The following USP35 variants were observed in gnomAD, a reference collection of about 807,000 sequenced individuals.
USP35 encodes the protein ubiquitin specific peptidase 35, also known as ubiquitin carboxyl-terminal hydrolase 35.
A neutral mutation model predicts 83.8 loss-of-function variants in USP35; 69 were observed. That is an observed-to-expected ratio of 0.82 (90% CI 0.68 to 1.01). The LOEUF is 1.01. Among genes scored for constraint, USP35 ranks in the 50% least tolerant of loss-of-function variants. The probability of loss-of-function intolerance (pLI) is 0.00; values close to 1 mark genes in which losing one functional copy is unlikely to be tolerated. For synonymous variants in USP35, 714 were observed against 589.5 expected (o/e 1.21, Z -3.06); for missense variants, 1,503 against 1,362.5 (o/e 1.10, Z -1.62).
chr11:78,232,753 GAGAT>G, the USP35 span, among the ~76,000 whole-genome samples: 2 of 152,060 alleles, frequency 1.3e-5, no homozygotes, highest in East Asian at 1.9e-4. Context: ...AATGAAAAAA[GAGAT>G]AGATAGAAGG....
At chr11:78,208,511 G>A (rs1225108750) in intron 8 of USP35, among the ~76,000 whole-genome samples, 1 of 152,154 alleles carries the variant, frequency 6.6e-6, no homozygotes, top group Non-Finnish European at 1.5e-5. Flanking sequence ...GGAGGGTTGG[G>A]AAGATGACAT....
the USP35 span, chr11:78,227,175 T>C: frequency 3.0e-6 from 2 of 661,852 alleles, no homozygotes; most frequent in East Asian, 2.7e-5. Flanking sequence ...ACTAAAAGCA[T>C]ATTTTGAAGG....
chr11:78,207,903 T>C (rs1336917625), intron 8 of USP35, among the ~76,000 whole-genome samples: 1 of 152,256 alleles, frequency 6.6e-6, no homozygotes, highest in Non-Finnish European at 1.5e-5. Context: ...GTCCATTTTA[T>C]GCTGCTAAAA....
At chr11:78,195,920 G>A (rs767057899) in intron 1 of USP35, among the ~76,000 whole-genome samples, 3 of 152,086 alleles carry the variant, frequency 2.0e-5, no homozygotes, top group African/African-American at 4.8e-5. Flanking sequence ...TTGTAGAGAC[G>A]GGCCTCGCTG....
intron 10 of USP35, 24 bp downstream of exon 10, chr11:78,210,768 G>C: frequency 6.6e-7 from 1 of 1,508,370 alleles, no homozygotes; most frequent in Non-Finnish European, 8.8e-7. Flanking sequence ...TGGGGCCTTT[G>C]ATCTGATCTC....
chr11:78,201,728 A>G (rs924439039), intron 6 of USP35, among the ~76,000 whole-genome samples: 2 of 152,150 alleles, frequency 1.3e-5, no homozygotes, highest in African/African-American at 4.8e-5. Context: ...CAAAGATGAT[A>G]CGGTTCATTT....
At chr11:78,222,278 G>T in the USP35 span, 1 of 865,132 alleles carries the variant, frequency 1.2e-6, no homozygotes, top group Non-Finnish European at 2.0e-6. Flanking sequence ...ACATGAGCAT[G>T]TTTATAAAGG....
intron 1 of USP35, among the ~76,000 whole-genome samples, chr11:78,195,260 G>A (rs1863110184): frequency 6.6e-6 from 1 of 152,214 alleles, no homozygotes; most frequent in Non-Finnish European, 1.5e-5. Flanking sequence ...GGAGGACCAG[G>A]GCTATTCTCA....
At chr11:78,223,335 T>A in the USP35 span, 3 of 1,242,214 alleles carry the variant, frequency 2.4e-6, no homozygotes, top group African/African-American at 3.1e-5. Flanking sequence ...AAGTCCAGGA[T>A]CCACATGACC....
At position 78,196,527 on chromosome 11, in the gene USP35, C is replaced by CCCCCCGGG. The variant is rs1863151143; in HGVS notation, c.289_296dup (p.Leu101ProfsTer92). On this transcript the variant is annotated frameshift_variant, in exon 2 of 11. Coordinates refer to ENST00000529308, the MANE Select transcript of USP35 (RefSeq NM_020798.4). LOFTEE classifies it high-confidence loss of function. This position sits in a 1 kb window ranked among gnomAD's most constrained non-coding sequence, Gnocchi z 4.8. ...TGCGCCTGCTGCAGGGTGGCGCCGG[C>CCCCCCGGG]CCCCCGGGCCCCCGCGCGCTCGCCT... The CCCCCCGGG allele has an allele frequency of 8.2e-7, 1 of 1,217,560 alleles. No homozygotes were observed. Among genetic ancestry groups the CCCCCCGGG allele is most frequent in the African/African-American group, 1.6e-5 (1 of 61,138 alleles). The allele number at this position is 1,217,560 out of a possible 1,614,324, so 75.4% of individuals were successfully genotyped here.
rs544267610 is a variant in USP35 at position 78,215,134 on chromosome 11, T to G, written c.*1321T>G. Among the ~76,000 whole-genome samples, 1 of 152,308 alleles carries G rather than the reference T, an allele frequency of 6.6e-6. No individual in the cohort carries two copies. The highest frequency in any genetic ancestry group is 1.5e-5 in the Non-Finnish European group (1 of 68,022). ...TGGATGGGTAAATGCTAGTATGATT[T>G]CCACTTTACAACAGACGCTGAGGTA... On this transcript the variant is annotated 3_prime_UTR_variant, in exon 11 of 11. Transcript: ENST00000529308.
At chr11:78,230,625 C>T in the USP35 span, among the ~76,000 whole-genome samples, 1 of 152,244 alleles carries the variant, frequency 6.6e-6, no homozygotes, top group East Asian at 1.9e-4. Context: ...ATATCCTGTA[C>T]CCTGGCATAG....
At chr11:78,226,457 AT>A in the USP35 span, 1 of 1,605,706 alleles carries the variant, frequency 6.2e-7, no homozygotes, top group African/African-American at 1.3e-5. Context: ...GCTAGGACTT[AT>A]ACTGACCTCG....
chr11:78,226,786 T>G, the USP35 span: 4 of 1,614,132 alleles, frequency 2.5e-6, no homozygotes, highest in South Asian at 4.4e-5. Context: ...CTGGGCGTCT[T>G]GAAGGTGTAC....
rs916725808 is a variant in USP35 at position 78,214,986 on chromosome 11, T to G, written c.*1173T>G. ...CCTACCTCCTTCCCCAGGGGCTGCC[T>G]GCTGTGATGGTGGTGTGGAGTTTGG... On this transcript the variant is annotated 3_prime_UTR_variant, in exon 11 of 11. Coordinates refer to ENST00000529308, the MANE Select transcript of USP35 (RefSeq NM_020798.4). Among the ~76,000 whole-genome samples, 6 of 152,250 alleles carry G rather than the reference T, an allele frequency of 3.9e-5. No individual in the cohort carries two copies. The highest frequency in any genetic ancestry group is 1.2e-4 in the African/African-American group (5 of 41,542).
the USP35 span, among the ~76,000 whole-genome samples, chr11:78,231,435 G>A: frequency 2.0e-5 from 3 of 151,580 alleles, no homozygotes; most frequent in East Asian, 1.9e-4. Flanking sequence ...TGCAACCTCC[G>A]CCTCCTGGGT....
Position 78,196,716 on chromosome 11 carries a change from C to G in USP35, c.471C>G (p.Asp157Glu). 6.5e-7 allele frequency: 1 copy of G among 1,529,808 alleles called. No individual in the cohort carries two copies. The highest frequency in any genetic ancestry group is 8.7e-7 in the Non-Finnish European group (1 of 1,144,692). 94.8% of individuals were successfully genotyped at this position (1,529,808 alleles called of 1,614,324 possible). The change falls in exon 2 of 11, where the codon GAC (aspartate) becomes GAG (glutamate). Residue 157 changes from aspartate to glutamate, a missense_variant. Coordinates refer to ENST00000529308, the MANE Select transcript of USP35 (RefSeq NM_020798.4). This position sits in a 1 kb window ranked among gnomAD's most constrained non-coding sequence, Gnocchi z 4.8. ...LLARHPRCVPDGPHRLLFCQQ... is the reference protein window; with the variant it reads ...LLARHPRCVPEGPHRLLFCQQ... ...CTCGCCACCCGCGCTGTGTGCCCGA[C>G]GGACCCCACCGCCTGCTCTTCTGCC...
rs1277780441 is a variant in USP35, at chr11:78,207,624, G to T, written c.1485+1G>T. ...CTTTGGCTTCCTAGAACACAGCCAG[G>T]TGAGTGTAGGGGCAGTCAGAGGGGG... is the stretch of plus-strand genomic sequence containing the variant. On this transcript the variant is annotated splice_donor_variant, in intron 8 of 10. Transcript: ENST00000529308. LOFTEE classifies it high-confidence loss of function. 1.2e-6 allele frequency: 2 copies of T among 1,613,880 alleles called. No individual in the cohort carries two copies. The highest frequency in any genetic ancestry group is 3.3e-5 in the Admixed American group (2 of 60,018).
chr11:78,230,142 G>C, the USP35 span, among the ~76,000 whole-genome samples: 2 of 152,226 alleles, frequency 1.3e-5, no homozygotes, highest in Non-Finnish European at 2.9e-5. Flanking sequence ...AACGTTTGTT[G>C]TAAGTAAGCA....
Sources: gnomAD v4.1 joint callset for allele counts (sites outside exome capture counted in the v4.1 genomes callset) on GRCh38, gnomAD v4.1.1 for gene constraint, Gnocchi (gnomAD v3.1) non-coding constraint, MANE v1.5 for transcripts, NCBI Gene and HGNC (gene_info 2026-07-23, HGNC 2026-07-21) for gene names.